Variants in DPYS observed in about 807,000 individuals in gnomAD.
DPYS encodes dihydropyrimidine amidohydrolase.
In DPYS, 39 loss-of-function variants were observed where a neutral mutation model predicts 50.3. The observed-to-expected ratio is 0.78, with a 90% confidence interval of 0.60 to 1.01. The LOEUF is 1.01. DPYS is among the 50% of genes least tolerant of loss of function. The pLI, the probability that DPYS is intolerant of heterozygous loss-of-function variation, is 0.00. For synonymous variants in DPYS, 245 were observed against 250.7 expected, an observed-to-expected ratio of 0.98 and a Z score of 0.22; for missense variants, 659 against 680.9, an observed-to-expected ratio of 0.97 and a Z score of 0.36.
chr8:104,429,073 C>T (rs967861605), intron 5 of DPYS: 6 of 173,980 alleles, frequency 3.4e-5, no homozygotes, highest in South Asian at 1.4e-4. Context: ...TCATGTGATC[C>T]GCCCACCTCA....
chr8:104,386,073 A>G (rs1238182792), intron 8 of DPYS, among the ~76,000 whole-genome samples: 1 of 152,236 alleles, frequency 6.6e-6, no homozygotes, highest in Non-Finnish European at 1.5e-5. Context: ...GTATTTGATG[A>G]TACTTGTCAT....
chr8:104,410,334 T>G (rs1166269470), intron 7 of DPYS, among the ~76,000 whole-genome samples: 1 of 152,042 alleles, frequency 6.6e-6, no homozygotes, highest in Non-Finnish European at 1.5e-5. Context: ...TAAAATACGA[T>G]TTAGTCAGAT....
chr8:104,399,777 G>A (rs965972399), intron 7 of DPYS, among the ~76,000 whole-genome samples: 1 of 142,768 alleles, frequency 7.0e-6, no homozygotes, highest in African/African-American at 2.6e-5. Flanking sequence ...GCTGAGGCAG[G>A]AGAATGGCGT....
intron 4 of DPYS, among the ~76,000 whole-genome samples, chr8:104,435,853 C>T (rs549831421): frequency 5.3e-5 from 8 of 152,024 alleles, no homozygotes; most frequent in South Asian, 2.1e-4. Context: ...CATGGCTGAC[C>T]GGGGTTTTGG....
At chr8:104,438,953 C>T (rs1046541157) in intron 4 of DPYS, among the ~76,000 whole-genome samples, 3 of 152,002 alleles carry the variant, frequency 2.0e-5, no homozygotes, top group Non-Finnish European at 2.9e-5. Context: ...CCTATAGTCC[C>T]AGCCACCCTG....
chr8:104,386,097 TAGAG>T (rs544508256), intron 8 of DPYS, among the ~76,000 whole-genome samples: 47 of 152,312 alleles, frequency 3.1e-4, no homozygotes, highest in Non-Finnish European at 5.4e-4. Context: ...GACAAATTAA[TAGAG>T]AGACAGAAAT....
chr8:104,430,966 G>A (rs146604280), intron 4 of DPYS, among the ~76,000 whole-genome samples: 45 of 152,254 alleles, frequency 3.0e-4, no homozygotes, highest in Middle Eastern at 3.4e-3. Context: ...ATGCCCAATC[G>A]TTTTTAGTGA....
rs1431219032 is a variant in DPYS at position 104,466,883 on chromosome 8, C to A, written c.38G>T (p.Arg13Leu). Residue 13 changes from arginine to leucine, a missense_variant, in exon 1 of 10, where the codon CGC becomes CTC. By Grantham distance (102) the Arg-to-Leu change is moderately radical. Coordinates refer to ENST00000351513, the MANE Select transcript of DPYS (RefSeq NM_001385.3). The part of the protein sequence containing the change: ...APSRLLIRGG[R>L]VVNDDFSEVA... ...CTCCGAGAAGTCATCGTTGACCACG[C>A]GACCCCCGCGGATCAGGAGCCGCGA... 2.0e-6 allele frequency: 3 copies of A among 1,515,736 alleles called. No individual in the cohort carries two copies. The highest frequency in any genetic ancestry group is 2.6e-6 in the Non-Finnish European group (3 of 1,138,208). The allele number at this position is 1,515,736 out of a possible 1,614,324, so 93.9% of individuals were successfully genotyped here.
At chr8:104,427,927 A>G in intron 6 of DPYS, 53 bp downstream of exon 6, 1 of 1,612,242 alleles carries the variant, frequency 6.2e-7, no homozygotes, top group Non-Finnish European at 8.5e-7. Flanking sequence ...TCAAATGGGC[A>G]GGATCCTGGC....
At chr8:104,382,046 C>T (rs956154224) in intron 8 of DPYS, among the ~76,000 whole-genome samples, 4 of 152,184 alleles carry the variant, frequency 2.6e-5, no homozygotes, top group African/African-American at 9.7e-5. Flanking sequence ...TAATTAATGC[C>T]TCCAGGCCTA....
intron 8 of DPYS, among the ~76,000 whole-genome samples, chr8:104,388,337 C>A (rs1475693330): frequency 6.6e-6 from 1 of 151,992 alleles, no homozygotes; most frequent in Non-Finnish European, 1.5e-5. Flanking sequence ...GCAATGTGAT[C>A]CTGATTTTCC....
intron 4 of DPYS, among the ~76,000 whole-genome samples, chr8:104,437,410 C>T (rs1813189021): frequency 6.6e-6 from 1 of 152,154 alleles, no homozygotes; most frequent in Non-Finnish European, 1.5e-5. Context: ...GACCTCTGGT[C>T]ATCCTCACTG....
chr8:104,380,249 G>A (rs1415984321), intron 9 of DPYS, among the ~76,000 whole-genome samples: 1 of 152,184 alleles, frequency 6.6e-6, no homozygotes, highest in Non-Finnish European at 1.5e-5. Flanking sequence ...ATGTGAAAAG[G>A]TGCAGTGCCT....
intron 1 of DPYS, among the ~76,000 whole-genome samples, chr8:104,453,225 G>A (rs948140800): frequency 6.6e-6 from 1 of 151,976 alleles, no homozygotes; most frequent in Non-Finnish European, 1.5e-5. Context: ...CCTGTATGTT[G>A]TCTCCACCTT....
In DPYS at chr8:104,462,653, T is replaced by C. The variant is rs117007312; in HGVS notation, c.264+4004A>G. On this transcript the variant is annotated intron_variant, in intron 1 of 9. Transcript: ENST00000351513. ...GCAACTCCACCCACTCTGACCTGCA[T>C]ACACCTCTGAATACAAATTTATGTA... Among the ~76,000 whole-genome samples, 208 of 152,366 alleles carry C rather than the reference T, an allele frequency of 1.4e-3. 2 individuals are homozygous for C. Among genetic ancestry groups the C allele is most frequent in the East Asian group, 0.01 (52 of 5,194 alleles).
At chr8:104,440,512 G>A (rs1329427545) in intron 4 of DPYS, among the ~76,000 whole-genome samples, 4 of 152,040 alleles carry the variant, frequency 2.6e-5, no homozygotes, top group African/African-American at 7.2e-5. Flanking sequence ...TGATCCACCC[G>A]CCCCGGCCTC....
chr8:104,403,814 C>T (rs967119607), intron 7 of DPYS, among the ~76,000 whole-genome samples: 1 of 152,138 alleles, frequency 6.6e-6, no homozygotes, highest in East Asian at 1.9e-4. Flanking sequence ...ACCATGAAAT[C>T]CAGAATGCTA....
chr8:104,455,542 A>C (rs540144065), intron 1 of DPYS, among the ~76,000 whole-genome samples: 8 of 152,192 alleles, frequency 5.3e-5, no homozygotes, highest in Non-Finnish European at 1.2e-4. Flanking sequence ...CCTGAGAGTG[A>C]GGTGCTTGGG....
intron 7 of DPYS, chr8:104,411,680 G>C (rs1564089836): frequency 6.6e-6 from 1 of 152,256 alleles, no homozygotes; most frequent in Non-Finnish European, 1.5e-5. Context: ...AAGACAGCCA[G>C]AGAAATGAGC....
Sources: gnomAD v4.1 joint callset for allele counts (sites outside exome capture counted in the v4.1 genomes callset) on GRCh38, gnomAD v4.1.1 for gene constraint, MANE v1.5 for transcripts, NCBI Gene and HGNC (gene_info 2026-07-23, HGNC 2026-07-21) for gene names.